INTS8: variants seen among roughly 807,000 people sequenced by gnomAD.
The protein encoded by INTS8 is protein kaonashi-1.
INTS8 carries 47 observed loss-of-function variants against 138.9 expected under a neutral mutation model. The ratio of observed to expected loss-of-function variants is 0.34; its 90% CI spans 0.27 to 0.43. The LOEUF is 0.43. INTS8 is among the 20% of genes least tolerant of loss of function. The probability of loss-of-function intolerance (pLI) is 1.00; values close to 1 mark genes in which losing one functional copy is unlikely to be tolerated. For missense variants in INTS8, 996 were observed against 1,173.0 expected (o/e 0.85, Z 2.20); for synonymous variants, 392 against 400.9 (o/e 0.98, Z 0.27).
intron 16 of INTS8, among the ~76,000 whole-genome samples, chr8:94,861,056 C>CAAA (rs1195647511): frequency 1.0e-5 from 1 of 99,730 alleles, no homozygotes; most frequent in Non-Finnish European, 2.0e-5. Flanking sequence ...GACTCTGTCT[C>CAAA]AAAAAAAAAA....
At chr8:94,869,239 C>A (rs1031788112) in intron 20 of INTS8, among the ~76,000 whole-genome samples, 3 of 151,956 alleles carry the variant, frequency 2.0e-5, no homozygotes, top group Admixed American at 6.6e-5. Flanking sequence ...CCTCAGCCTC[C>A]CAAAGTGCTG....
At position 94,881,488 on chromosome 8, in the gene INTS8, T is replaced by G; in HGVS notation, c.*1254T>G. The G allele has an allele frequency of 1.4e-6, 1 of 727,898 alleles. No individual in the cohort carries two copies. Among genetic ancestry groups the G allele is most frequent in the Non-Finnish European group, 2.2e-6 (1 of 445,240 alleles). The allele number at this position is 727,898 out of a possible 1,614,324, so 45.1% of individuals were successfully genotyped here. On this transcript the variant is annotated 3_prime_UTR_variant, in exon 27 of 27. Transcript: ENST00000523731. ...TGTATTCTTTAGTGCCAATTGTAAG[T>G]TTTAAAATCAGAATGGCAGTGTAAC...
At chr8:94,866,941 A>G in intron 18 of INTS8, 199 bp from the exon 19 acceptor site, 1 of 497,156 alleles carries the variant, frequency 2.0e-6, no homozygotes, top group South Asian at 4.1e-5. Flanking sequence ...TATGTAAATT[A>G]TGTGCTATGG....
chr8:94,879,985 G>T, intron 26 of INTS8, 133 bp from the exon 27 acceptor site: 1 of 619,862 alleles, frequency 1.6e-6, no homozygotes, highest in East Asian at 3.0e-5. Flanking sequence ...AGACTCCTGG[G>T]TTTTACAGTT....
In INTS8 at chr8:94,851,627, AT is replaced by A; in HGVS notation, c.1586del (p.Leu529Ter). On this transcript the variant is annotated frameshift_variant, in exon 13 of 27. Transcript: ENST00000523731. LOFTEE classifies it high-confidence loss of function. ...AGTGGATCCTTGGAGGATTAGACAA[AT>A]TTTAATTGAATTACATGGTATGACT... ...LSVDPWRIRQ[I>X]LIELHGMTSE... 1.2e-6 allele frequency: 2 copies of A among 1,603,958 alleles called. No individual in the cohort carries two copies. The highest frequency in any genetic ancestry group is 1.7e-6 in the Non-Finnish European group (2 of 1,176,418).
intron 10 of INTS8, among the ~76,000 whole-genome samples, chr8:94,847,623 T>C (rs1205317566): frequency 6.6e-6 from 1 of 152,164 alleles, no homozygotes; most frequent in Non-Finnish European, 1.5e-5. Context: ...GTCCATTTCA[T>C]CTTAAGTTTA....
rs532498490 is a variant in INTS8, at chr8:94,867,194, C to T, written c.2350C>T (p.Arg784Trp). 3 of 1,608,270 alleles carry T rather than the reference C, an allele frequency of 1.9e-6. No homozygotes were observed. The highest frequency in any genetic ancestry group is 1.1e-5 in the South Asian group (1 of 89,750). ...LSLFVKLHNV[R>W]EDIVNDITAE... ...ACTCTTTGTGAAACTTCACAATGTT[C>T]GGGTAAGTATTTCATAATTTCATTT... Residue 784 changes from arginine (R) to tryptophan (W), a missense_variant and splice_region_variant, in exon 19 of 27, where the codon CGG becomes TGG. Physicochemically the swap from Arg to Trp is moderately radical, Grantham distance 101 (BLOSUM62 -3). Transcript: ENST00000523731.
intron 12 of INTS8, 55 bp from the exon 13 acceptor site, chr8:94,851,498 G>A: frequency 8.1e-7 from 1 of 1,228,714 alleles, no homozygotes; most frequent in African/African-American, 1.6e-5. Flanking sequence ...TAAGTAAATT[G>A]TTATTCTCGT....
rs747179610 is a variant in INTS8, at chr8:94,851,570, A to G, written c.1525A>G (p.Ile509Val). 9.3e-5 allele frequency: 148 copies of G among 1,584,488 alleles called. No homozygotes were observed. Among genetic ancestry groups the G allele is most frequent in the Non-Finnish European group, 1.2e-4 (143 of 1,169,570 alleles). ...TTTTTTAGCTTCAGCAAGTGTCAAC[A>G]TTGGTCAGTTAGAGCATCAACTTAT... ...YDIPASASVN[I>V]GQLEHQLILS... Residue 509 changes from isoleucine (I) to valine (V), a missense_variant, in exon 13 of 27, where the codon ATT (isoleucine) becomes GTT (valine). Transcript: ENST00000523731.
rs1814355571 is a variant in INTS8, at chr8:94,823,431, G to T, written c.-1G>T. 6.5e-7 allele frequency: 1 copy of T among 1,527,270 alleles called. No homozygotes were observed. Among genetic ancestry groups the T allele is most frequent in the African/African-American group, 1.4e-5 (1 of 72,494 alleles). 94.6% of individuals were successfully genotyped at this position (1,527,270 alleles called of 1,614,324 possible). ...CTGGTGGTAGCGGCGGCGGGGGCAG[G>T]ATGAGCGCGGAGGCGGCGGACCGGG... On this transcript the variant is annotated 5_prime_UTR_variant, in exon 1 of 27. Coordinates refer to ENST00000523731, the MANE Select transcript of INTS8 (RefSeq NM_017864.4).
At chr8:94,829,643 G>A (rs1469126344) in intron 5 of INTS8, among the ~76,000 whole-genome samples, 1 of 152,098 alleles carries the variant, frequency 6.6e-6, no homozygotes, top group Non-Finnish European at 1.5e-5. Context: ...TAATCTTGGG[G>A]ACATGAGAGT....
At position 94,842,393 on chromosome 8, in the gene INTS8, A is replaced by C; in HGVS notation, c.1165A>C (p.Thr389Pro). The C allele has an allele frequency of 1.2e-6, 2 of 1,603,748 alleles. No individual in the cohort carries two copies. Among genetic ancestry groups the C allele is most frequent in the Non-Finnish European group, 1.7e-6 (2 of 1,171,498 alleles). The change falls in exon 10 of 27, where the codon ACA becomes CCA. Residue 389 changes from threonine (T) to proline (P), a missense_variant. Coordinates refer to ENST00000523731, the MANE Select transcript of INTS8 (RefSeq NM_017864.4). ...CTGTTTTAAAGTTTGTGCCTGTAAT[A>C]CAGTCCGTGATATACTGGAAGGCAG... ...EICFKVCACN[T>P]VRDILEGRTI... is the part of the protein sequence containing the mutation.
chr8:94,853,898 C>A lies in INTS8; in HGVS notation c.1735C>A (p.His579Asn). The change falls in exon 14 of 27, where the codon CAC (histidine) becomes AAC (asparagine). Residue 579 changes from histidine (H) to asparagine (N), a missense_variant. His to Asn is a moderately conservative substitution (Grantham distance 68). Coordinates refer to ENST00000523731, the MANE Select transcript of INTS8 (RefSeq NM_017864.4). ...LVYILMAKGL[H>N]CSTVKDFSHA... is the part of the protein sequence containing the mutation. ...TTATATTCTTATGGCCAAAGGTTTGCACTGCAGTACTGTTAAGGTGAGTAA... is the reference window on the plus strand; with the variant it reads ...TTATATTCTTATGGCCAAAGGTTTGAACTGCAGTACTGTTAAGGTGAGTAA... 6.3e-7 allele frequency: 1 copy of A among 1,583,770 alleles called. No individual in the cohort carries two copies. The highest frequency in any genetic ancestry group is 8.7e-7 in the Non-Finnish European group (1 of 1,152,476).
chr8:94,857,928 G>A (rs889871946), intron 15 of INTS8, among the ~76,000 whole-genome samples: 1 of 152,228 alleles, frequency 6.6e-6, no homozygotes, highest in African/African-American at 2.4e-5. Context: ...GAATCAAAAT[G>A]TCCTTGAGTG....
intron 6 of INTS8, among the ~76,000 whole-genome samples, chr8:94,835,631 G>T (rs536234494): frequency 2.6e-4 from 39 of 150,512 alleles, no homozygotes; most frequent in Non-Finnish European, 4.4e-4. Flanking sequence ...ACAGAGTCTC[G>T]CCCTGTCGCC....
Position 94,832,095 on chromosome 8 carries a change from T to A in INTS8, c.674T>A (p.Met225Lys). ...HTMRTLDLLA[M>K]EPGMVNGETE... ...ATGAGAACTCTAGATTTATTGGCCA[T>A]GGAACCAGGCATGGTAAATGGAGAA... Residue 225 changes from methionine to lysine, a missense_variant, in exon 6 of 27, where the codon ATG becomes AAG. Coordinates refer to ENST00000523731, the MANE Select transcript of INTS8 (RefSeq NM_017864.4). 1 of 1,613,804 alleles carries A rather than the reference T, an allele frequency of 6.2e-7. No individual in the cohort carries two copies. Among genetic ancestry groups the A allele is most frequent in the South Asian group, 1.1e-5 (1 of 91,062 alleles).
At chr8:94,824,258 C>T (rs912964027) in intron 1 of INTS8, among the ~76,000 whole-genome samples, 1 of 152,188 alleles carries the variant, frequency 6.6e-6, no homozygotes, top group South Asian at 2.1e-4. Flanking sequence ...CTAGATATGG[C>T]TTGTTCAGTC....
At position 94,851,577 on chromosome 8, in the gene INTS8, A is replaced by C; in HGVS notation, c.1532A>C (p.Gln511Pro). ...IPASASVNIG[Q>P]LEHQLILSVD... is the part of the protein sequence containing the mutation. ...GCTTCAGCAAGTGTCAACATTGGTC[A>C]GTTAGAGCATCAACTTATATTGTCA... The change falls in exon 13 of 27, where the codon CAG becomes CCG. Residue 511 changes from glutamine to proline, a missense_variant. Gln to Pro is a moderately conservative substitution (Grantham distance 76). Coordinates refer to ENST00000523731, the MANE Select transcript of INTS8 (RefSeq NM_017864.4). 1 of 1,587,354 alleles carries C rather than the reference A, an allele frequency of 6.3e-7. No individual in the cohort carries two copies. The highest frequency in any genetic ancestry group is 8.5e-7 in the Non-Finnish European group (1 of 1,170,716).
chr8:94,866,045 T>A (rs1406604858), intron 17 of INTS8, 113 bp from the exon 18 acceptor site: 3 of 574,560 alleles, frequency 5.2e-6, no homozygotes, highest in Non-Finnish European at 9.4e-6. Context: ...ACATTCCTTT[T>A]CACACTTGCA....
Sources: gnomAD v4.1 joint callset for allele counts (sites outside exome capture counted in the v4.1 genomes callset) on GRCh38, gnomAD v4.1.1 for gene constraint, MANE v1.5 for transcripts, NCBI Gene and HGNC (gene_info 2026-07-23, HGNC 2026-07-21) for gene names.